Variants in SPAG16 observed in about 807,000 individuals in gnomAD.
The protein encoded by SPAG16 is sperm-associated antigen 16 protein.
In SPAG16, 86 loss-of-function variants were observed where a neutral mutation model predicts 80.4. The ratio of observed to expected loss-of-function variants is 1.07; its 90% CI spans 0.90 to 1.28. The LOEUF (loss-of-function observed/expected upper bound fraction) is 1.28, where lower values mean the gene tolerates loss of function less well. Ranked by LOEUF, SPAG16 falls within the 50% of genes most tolerant of loss-of-function variation. SPAG16 has a pLI of 0.00. For missense variants in SPAG16, 870 were observed against 765.3 expected, an observed-to-expected ratio of 1.14 and a Z score of -1.61; for synonymous variants, 294 against 265.9, an observed-to-expected ratio of 1.11 and a Z score of -1.03.
intron 10 of SPAG16, among the ~76,000 whole-genome samples, chr2:213,756,208 C>T (rs1305563664): frequency 2.0e-5 from 3 of 152,126 alleles, no homozygotes; most frequent in South Asian, 4.1e-4. Context: ...GGGCCAGGCA[C>T]GATGGCTCAT....
intron 11 of SPAG16, among the ~76,000 whole-genome samples, chr2:213,885,267 A>T (rs1441940355): frequency 6.6e-6 from 1 of 152,170 alleles, no homozygotes; most frequent in Non-Finnish European, 1.5e-5. Context: ...GCTTTCATCC[A>T]GAAGATAGCA....
Position 213,754,611 on chromosome 2 carries a change from A to G in SPAG16, c.1071-107874A>G, listed in dbSNP as rs376363500. Among the ~76,000 whole-genome samples the G allele has an allele frequency of 4.9e-4, 74 of 151,920 alleles. 1 individual carries two copies. In the East Asian group the frequency reaches 0.013, roughly 26 times the overall value. On this transcript the variant is annotated intron_variant, in intron 10 of 15. Coordinates refer to ENST00000331683, the MANE Select transcript of SPAG16 (RefSeq NM_024532.5). ...AAATTTGTAAACTTCATAAATATTA[A>G]AAAACTTTCATATTTTAAACTTTCA...
intron 10 of SPAG16, among the ~76,000 whole-genome samples, chr2:213,585,700 AC>A (rs2060448809): frequency 6.6e-6 from 1 of 152,162 alleles, no homozygotes; most frequent in South Asian, 2.1e-4. Flanking sequence ...ATTTAAATTC[AC>A]TCACTCTAAA....
chr2:213,611,106 A>G (rs1475837739), intron 10 of SPAG16, among the ~76,000 whole-genome samples: 1 of 152,110 alleles, frequency 6.6e-6, no homozygotes, highest in African/African-American at 2.4e-5. Context: ...CCTCATGATG[A>G]TAGATACATT....
At chr2:214,269,094 G>C (rs1470901169) in intron 15 of SPAG16, among the ~76,000 whole-genome samples, 1 of 151,872 alleles carries the variant, frequency 6.6e-6, no homozygotes, top group African/African-American at 2.4e-5. Context: ...AAATTATCAT[G>C]GTGGACATTT....
At chr2:213,869,505 T>C (rs1367513538) in intron 11 of SPAG16, among the ~76,000 whole-genome samples, 1 of 151,538 alleles carries the variant, frequency 6.6e-6, no homozygotes, top group African/African-American at 2.4e-5. Context: ...ATTAAGACAA[T>C]TTTGACATGC....
intron 12 of SPAG16, among the ~76,000 whole-genome samples, chr2:213,961,698 A>G (rs894986843): frequency 7.3e-5 from 11 of 151,240 alleles, no homozygotes; most frequent in Admixed American, 2.0e-4. Context: ...ATTTTTAATT[A>G]TTAACACATC....
intron 12 of SPAG16, among the ~76,000 whole-genome samples, chr2:213,961,633 ATTAAAATTATTGTG>A (rs1559633177): frequency 6.6e-6 from 1 of 151,122 alleles, no homozygotes; most frequent in Non-Finnish European, 1.5e-5. Context: ...TTCAGGGTCA[ATTAAAATTATTGTG>A]TGGTATTATT....
chr2:214,027,513 A>G (rs1044816918), intron 13 of SPAG16, among the ~76,000 whole-genome samples: 1 of 151,750 alleles, frequency 6.6e-6, no homozygotes, highest in African/African-American at 2.4e-5. Flanking sequence ...ATACATTTAT[A>G]GGTGGTAAAA....
chr2:214,181,967 ATACACG>A (rs1339520231), intron 15 of SPAG16, among the ~76,000 whole-genome samples: 1 of 151,780 alleles, frequency 6.6e-6, no homozygotes, highest in African/African-American at 2.4e-5. Flanking sequence ...CATACTCTTC[ATACACG>A]TACAAACTCA....
chr2:213,798,145 A>T (rs1024114424), intron 10 of SPAG16, among the ~76,000 whole-genome samples: 1 of 152,164 alleles, frequency 6.6e-6, no homozygotes, highest in Non-Finnish European at 1.5e-5. Flanking sequence ...CATTTGTTGA[A>T]TTATTTACTC....
Position 213,447,240 on chromosome 2 carries a change from A to G in SPAG16, c.943-42723A>G, listed in dbSNP as rs904708003. Among the ~76,000 whole-genome samples, 5 of 152,182 alleles carry G rather than the reference A, an allele frequency of 3.3e-5. No individual in the cohort carries two copies. In the South Asian group the frequency reaches 8.3e-4, roughly 25 times the overall value. On this transcript the variant is annotated intron_variant, in intron 9 of 15. Coordinates refer to ENST00000331683, the MANE Select transcript of SPAG16 (RefSeq NM_024532.5). Reference sequence around the variant, plus strand: ...GACAAGGATCATCATCCTACTTTGCATAGGAGGTTCAGCTCATTTTTTCCC... The same window carrying G: ...GACAAGGATCATCATCCTACTTTGCGTAGGAGGTTCAGCTCATTTTTTCCC...
At chr2:213,903,087 G>C (rs1384177932) in intron 11 of SPAG16, among the ~76,000 whole-genome samples, 1 of 152,154 alleles carries the variant, frequency 6.6e-6, no homozygotes, top group East Asian at 1.9e-4. Flanking sequence ...CCTCCTGGCT[G>C]CTTTCACAGG....
intron 12 of SPAG16, among the ~76,000 whole-genome samples, chr2:213,957,849 T>A (rs2044227217): frequency 1.3e-5 from 2 of 152,172 alleles, no homozygotes; most frequent in South Asian, 4.1e-4. Flanking sequence ...ACTTCTGTTG[T>A]GATTTTCTAA....
chr2:213,639,690 AC>A (rs1443992531), intron 10 of SPAG16, among the ~76,000 whole-genome samples: 3 of 152,090 alleles, frequency 2.0e-5, no homozygotes, highest in African/African-American at 7.2e-5. Flanking sequence ...CTTTGTCTTG[AC>A]TTTAAGTAAC....
At chr2:214,048,677 A>G (rs1270876665) in intron 13 of SPAG16, among the ~76,000 whole-genome samples, 8 of 152,188 alleles carry the variant, frequency 5.3e-5, no homozygotes. Context: ...AAAATTATTT[A>G]ATTGTACACT....
intron 10 of SPAG16, among the ~76,000 whole-genome samples, chr2:213,710,633 T>C (rs1396721576): frequency 1.3e-5 from 2 of 152,222 alleles, no homozygotes; most frequent in African/African-American, 4.8e-5. Context: ...CAACACACTT[T>C]AGTAACATGG....
At chr2:214,385,279 C>T (rs1029741362) in intron 15 of SPAG16, among the ~76,000 whole-genome samples, 5 of 152,164 alleles carry the variant, frequency 3.3e-5, no homozygotes, top group African/African-American at 9.7e-5. Flanking sequence ...CAGTCCCTAC[C>T]TTTGGGATTA....
intron 10 of SPAG16, among the ~76,000 whole-genome samples, chr2:213,733,524 T>G (rs1452124272): frequency 2.0e-5 from 3 of 148,170 alleles, no homozygotes; most frequent in Admixed American, 6.8e-5. Context: ...TTTTTTGGTG[T>G]GTGTCTTCAT....
Sources: gnomAD v4.1 joint callset for allele counts (sites outside exome capture counted in the v4.1 genomes callset) on GRCh38, gnomAD v4.1.1 for gene constraint, MANE v1.5 for transcripts, NCBI Gene and HGNC (gene_info 2026-07-23, HGNC 2026-07-21) for gene names.